CHLSN: variants seen among roughly 807,000 people sequenced by gnomAD.
CHLSN encodes the protein protein cholesin.
the CHLSN span, chr7:1,081,847 T>C: frequency 6.6e-6 from 1 of 151,368 alleles, no homozygotes; most frequent in Non-Finnish European, 1.5e-5. Context: ...AGCCCAGTAA[T>C]AAGGAGAAAG....
chr7:1,081,554 C>T, the CHLSN span, among the ~76,000 whole-genome samples: 11 of 152,356 alleles, frequency 7.2e-5, no homozygotes, highest in South Asian at 2.1e-4. Context: ...ATCCGCCACG[C>T]GGACGGGGAA....
chr7:1,129,945 T>C, the CHLSN span, among the ~76,000 whole-genome samples: 1 of 152,200 alleles, frequency 6.6e-6, no homozygotes, highest in Non-Finnish European at 1.5e-5. Context: ...GTTTTCACTT[T>C]CTCCTATCAG....
the CHLSN span, chr7:1,055,619 C>T: frequency 5.3e-4 from 184 of 346,240 alleles, no homozygotes; most frequent in African/African-American, 3.5e-3. Context: ...ACAGTGCCAC[C>T]GGTGGACATC....
the CHLSN span, among the ~76,000 whole-genome samples, chr7:1,012,756 CGG>C: frequency 6.6e-6 from 1 of 152,232 alleles, no homozygotes; most frequent in Non-Finnish European, 1.5e-5. Flanking sequence ...GTGCTGCGCC[CGG>C]AGAGCCAGGG....
chr7:1,097,189 CA>C, the CHLSN span, among the ~76,000 whole-genome samples: 1 of 152,218 alleles, frequency 6.6e-6, no homozygotes, highest in Non-Finnish European at 1.5e-5. The surrounding 1 kb of genome is among the most constrained non-coding windows in gnomAD (Gnocchi z 4.3). Flanking sequence ...TCTATCTCTG[CA>C]GCCCACCTGC....
chr7:1,008,785 CACATGTACACACGTGTAT>C, the CHLSN span, among the ~76,000 whole-genome samples: 3 of 151,668 alleles, frequency 2.0e-5, no homozygotes, highest in South Asian at 2.1e-4. Context: ...CGCACACACG[CACATGTACACACGTGTAT>C]ACATGTACAC....
At chr7:993,197 C>T in the CHLSN span, among the ~76,000 whole-genome samples, 35 of 152,180 alleles carry the variant, frequency 2.3e-4, no homozygotes, top group African/African-American at 7.7e-4. Flanking sequence ...GTGGCCTGAC[C>T]CAGACAGGGC....
chr7:1,018,518 C>T, the CHLSN span, among the ~76,000 whole-genome samples: 34 of 152,006 alleles, frequency 2.2e-4, no homozygotes, highest in Middle Eastern at 3.4e-3. Context: ...CTGTGCCTCT[C>T]GGAGGTCCGC....
the CHLSN span, among the ~76,000 whole-genome samples, chr7:1,120,925 A>C: frequency 6.6e-6 from 1 of 152,138 alleles, no homozygotes; most frequent in African/African-American, 2.4e-5. Flanking sequence ...TAGCCATGAA[A>C]ACGGATCAAA....
chr7:1,093,515 G>T, the CHLSN span: 4 of 470,804 alleles, frequency 8.5e-6, no homozygotes, highest in African/African-American at 8.0e-5. Context: ...CGGAGCAGCA[G>T]GAAGGCCCCT....
chr7:1,020,433 G>A, the CHLSN span, among the ~76,000 whole-genome samples: 4 of 152,252 alleles, frequency 2.6e-5, no homozygotes, highest in Non-Finnish European at 4.4e-5. Context: ...TTCGCTTCTC[G>A]CCAGCCGCTG....
At chr7:1,109,096 C>T in the CHLSN span, among the ~76,000 whole-genome samples, 1 of 152,012 alleles carries the variant, frequency 6.6e-6, no homozygotes, top group East Asian at 1.9e-4. Flanking sequence ...AGGGTTTCAA[C>T]ATGTTGGCCA....
the CHLSN span, among the ~76,000 whole-genome samples, chr7:1,030,423 G>A: frequency 6.6e-6 from 1 of 152,198 alleles, no homozygotes; most frequent in Admixed American, 6.5e-5. Flanking sequence ...TGGCAGTGGG[G>A]TGCAGTCCCC....
the CHLSN span, among the ~76,000 whole-genome samples, chr7:1,041,911 C>T: frequency 2.6e-5 from 4 of 152,236 alleles, no homozygotes; most frequent in South Asian, 6.2e-4. Flanking sequence ...CCTTCCGGAC[C>T]GCCACTCAGA....
the CHLSN span, among the ~76,000 whole-genome samples, chr7:1,008,492 G>A: frequency 1.3e-5 from 2 of 152,164 alleles, no homozygotes; most frequent in African/African-American, 4.8e-5. Context: ...TCAGGGAGAG[G>A]GAAGCTAAGC....
chr7:1,042,130 C>T, the CHLSN span, among the ~76,000 whole-genome samples: 23 of 152,084 alleles, frequency 1.5e-4, no homozygotes, highest in Middle Eastern at 3.4e-3. Context: ...GAATCAGGTG[C>T]ACAACTAGGG....
At chr7:1,060,436 C>G in the CHLSN span, among the ~76,000 whole-genome samples, 2 of 151,926 alleles carry the variant, frequency 1.3e-5, no homozygotes, top group Non-Finnish European at 1.5e-5. Flanking sequence ...CACACTTCCT[C>G]CCCACAGCCT....
chr7:1,002,380 T>TAA, the CHLSN span, among the ~76,000 whole-genome samples: 1 of 102,366 alleles, frequency 9.8e-6, no homozygotes, highest in African/African-American at 3.9e-5. Context: ...GTCCTGTGGG[T>TAA]GGGGAGTCCT....
At chr7:1,016,837 GCACGCCAGCACACAGCAGCACACAGCA>G in the CHLSN span, among the ~76,000 whole-genome samples, 3 of 82,936 alleles carry the variant, frequency 3.6e-5, no homozygotes, top group African/African-American at 6.4e-5. Context: ...GCACAGCAGC[GCACGCCAGCACACAGCAGCACACAGCA>G]CACAGCAGCG....
Sources: allele counts gnomAD v4.1 joint callset (sites outside exome capture counted in the v4.1 genomes callset), GRCh38; gene constraint gnomAD v4.1.1; non-coding constraint Gnocchi (gnomAD v3.1); transcripts MANE v1.5; gene names NCBI Gene and HGNC (gene_info 2026-07-23, HGNC 2026-07-21).